The following FOCAD variants were observed in gnomAD, a reference collection of about 807,000 sequenced individuals.
The protein encoded by FOCAD is focadhesin, also known as KIAA1797.
Under a neutral mutation model 225.6 loss-of-function variants are expected in FOCAD, and 198 were observed. That is an observed-to-expected ratio of 0.88 (90% CI 0.78 to 0.99). The LOEUF is 0.99. Among genes scored for constraint, FOCAD ranks in the 50% least tolerant of loss-of-function variants. The probability of loss-of-function intolerance (pLI) is 0.00; values close to 1 mark genes in which losing one functional copy is unlikely to be tolerated. For missense variants in FOCAD, 2,713 were observed against 2,123.6 expected, an observed-to-expected ratio of 1.28 and a Z score of -5.46; for synonymous variants, 897 against 755.0, an observed-to-expected ratio of 1.19 and a Z score of -3.08.
intron 19 of FOCAD, among the ~76,000 whole-genome samples, chr9:20,878,277 T>C (rs1830393406): frequency 6.6e-6 from 1 of 152,202 alleles, no homozygotes; most frequent in Admixed American, 6.5e-5. Flanking sequence ...ATTAAATAAT[T>C]TGGCAGGGGA....
At chr9:20,951,577 T>G (rs1837691952) in intron 34 of FOCAD, among the ~76,000 whole-genome samples, 1 of 152,212 alleles carries the variant, frequency 6.6e-6, no homozygotes, top group Non-Finnish European at 1.5e-5. Flanking sequence ...CATATATGGC[T>G]GGAGTTTTTC....
At chr9:20,780,263 T>G (rs529258998) in intron 9 of FOCAD, among the ~76,000 whole-genome samples, 1 of 152,232 alleles carries the variant, frequency 6.6e-6, no homozygotes, top group Non-Finnish European at 1.5e-5. Flanking sequence ...CTCTGTAGAT[T>G]TGCCTTTTCT....
At chr9:20,892,660 TGAA>T (rs1359302292) in intron 21 of FOCAD, among the ~76,000 whole-genome samples, 51 of 152,208 alleles carry the variant, frequency 3.4e-4, no homozygotes, top group African/African-American at 1.1e-3. Context: ...CTACTCCTGG[TGAA>T]GATGCTGTGA....
At chr9:20,933,551 G>A (rs1835681739) in intron 28 of FOCAD, among the ~76,000 whole-genome samples, 1 of 151,930 alleles carries the variant, frequency 6.6e-6, no homozygotes, top group African/African-American at 2.4e-5. Context: ...TGGCTGAGTA[G>A]TATTCCATCG....
Position 20,804,136 on chromosome 9 carries a change from G to A in FOCAD, c.1455+14528G>A, listed in dbSNP as rs563002686. ...GGTTTCCACTTTAAATTTTTTTTGT[G>A]TGTTCCTGAGGTTTACAAGTAGAAG... is the stretch of plus-strand genomic sequence containing the variant. On this transcript the variant is annotated intron_variant, in intron 11 of 43. Coordinates refer to ENST00000338382, the MANE Select transcript of FOCAD (RefSeq NM_001375567.1). Among the ~76,000 whole-genome samples the A allele has an allele frequency of 2.2e-4, 34 of 152,110 alleles. 1 individual carries two copies.
intron 35 of FOCAD, among the ~76,000 whole-genome samples, chr9:20,967,008 C>T (rs1340311168): frequency 3.3e-5 from 5 of 151,674 alleles, no homozygotes; most frequent in Non-Finnish European, 7.4e-5. Flanking sequence ...GTATTTGGGG[C>T]CCCTTGCAAT....
chr9:20,660,349 A>G (rs1402099807), intron 2 of FOCAD, among the ~76,000 whole-genome samples: 1 of 152,224 alleles, frequency 6.6e-6, no homozygotes, highest in East Asian at 1.9e-4. Flanking sequence ...AAATTGAGGC[A>G]GAGAAAAAAT....
intron 10 of FOCAD, among the ~76,000 whole-genome samples, chr9:20,782,837 T>C (rs1442973338): frequency 6.6e-6 from 1 of 152,210 alleles, no homozygotes; most frequent in Non-Finnish European, 1.5e-5. Context: ...TAGTTCTTGT[T>C]TGAGCATGTA....
At chr9:20,926,643 C>T (rs1327071573) in intron 26 of FOCAD, among the ~76,000 whole-genome samples, 1 of 151,876 alleles carries the variant, frequency 6.6e-6, no homozygotes, top group African/African-American at 2.4e-5. Context: ...ATTAGCCGGG[C>T]GTGGTGGCAC....
Position 20,773,856 on chromosome 9 carries a change from G to A in FOCAD, c.906+3618G>A, listed in dbSNP as rs550747494. On this transcript the variant is annotated intron_variant, in intron 8 of 43. Coordinates refer to ENST00000338382, the MANE Select transcript of FOCAD (RefSeq NM_001375567.1). ...CTTCTGGATTTTGCTGATTGCAACC[G>A]TATGGTGCCCTTTAATACAGTGGTC... Among the ~76,000 whole-genome samples, 8 of 152,206 alleles carry A rather than the reference G, an allele frequency of 5.3e-5. No individual in the cohort carries two copies. The East Asian group carries it at 1.2e-3, about 22-fold the overall frequency.
chr9:20,834,375 C>T (rs1226741536), intron 15 of FOCAD, among the ~76,000 whole-genome samples: 2 of 151,984 alleles, frequency 1.3e-5, no homozygotes, highest in African/African-American at 4.8e-5. Flanking sequence ...ATGGGTTGAT[C>T]TGTGGAGCAA....
chr9:20,658,896 T>G (rs1033506190), intron 2 of FOCAD: 3 of 152,326 alleles, frequency 2.0e-5, no homozygotes, highest in African/African-American at 7.2e-5. Flanking sequence ...CCCTAGTACC[T>G]CAGAATGTGA....
rs796702774 is a variant in FOCAD, at chr9:20,815,123, G to GGTTTTTTTTTTTTTTTTTTTTTTTT, written c.1456-4673_1456-4672insGTTTTTTTTTTTTTTTTTTTTTTTT. 9.4e-4 allele frequency among the ~76,000 whole-genome samples: 80 copies of GGTTTTTTTTTTTTTTTTTTTTTTTT among 85,380 alleles called. 19 individuals are homozygous for GGTTTTTTTTTTTTTTTTTTTTTTTT. Among genetic ancestry groups the GGTTTTTTTTTTTTTTTTTTTTTTTT allele is most frequent in the East Asian group, 2.4e-3 (8 of 3,358 alleles). The allele number at this position is 85,380 out of a possible 152,430, so 56.0% of individuals were successfully genotyped here. Reference sequence around the variant, plus strand: ...TCTGGAAATATCATTACTTCTCTTTGTTTTTTTTTTTTTGTTTTTTTTTTT... The same window carrying GGTTTTTTTTTTTTTTTTTTTTTTTT: ...TCTGGAAATATCATTACTTCTCTTTGGTTTTTTTTTTTTTTTTTTTTTTTTTTTTTTTTTTTTTGTTTTTTTTTTT... On this transcript the variant is annotated intron_variant, in intron 11 of 43. Transcript: ENST00000338382.
chr9:20,731,872 C>T (rs1826743812), intron 4 of FOCAD, among the ~76,000 whole-genome samples: 1 of 152,164 alleles, frequency 6.6e-6, no homozygotes. Flanking sequence ...CCGCCTCAGC[C>T]TCCCAAAGTC....
In FOCAD at chr9:20,857,641, G is replaced by A. The variant is rs1055518405; in HGVS notation, c.1921-4937G>A. 3.9e-5 allele frequency among the ~76,000 whole-genome samples: 6 copies of A among 151,932 alleles called. No homozygotes were observed. In the Middle Eastern group the frequency reaches 0.01, roughly 258 times the overall value. ...TGTATTATGTTGAATAATGGTGAAT[G>A]TGGGTATTCTTGTCTTGTTCCATAT... On this transcript the variant is annotated intron_variant, in intron 15 of 43. Coordinates refer to ENST00000338382, the MANE Select transcript of FOCAD (RefSeq NM_001375567.1).
At chr9:20,939,763 T>A (rs989440400) in intron 28 of FOCAD, among the ~76,000 whole-genome samples, 8 of 151,808 alleles carry the variant, frequency 5.3e-5, no homozygotes, top group South Asian at 4.1e-4. Context: ...TTCTTTTTTT[T>A]AAATTATACT....
At chr9:20,778,947 T>G (rs1003797678) in intron 9 of FOCAD, among the ~76,000 whole-genome samples, 179 bp downstream of exon 9, 1 of 152,242 alleles carries the variant, frequency 6.6e-6, no homozygotes, top group African/African-American at 2.4e-5. Context: ...CAAGTTTTAA[T>G]ATAACATAAT....
intron 2 of FOCAD, among the ~76,000 whole-genome samples, chr9:20,668,508 G>C (rs1021422359): frequency 6.6e-6 from 1 of 152,102 alleles, no homozygotes; most frequent in Non-Finnish European, 1.5e-5. Flanking sequence ...TTTATGTTCT[G>C]ATATCAGGCA....
At chr9:20,953,771 T>C (rs778470170) in intron 35 of FOCAD, among the ~76,000 whole-genome samples, 10 of 152,230 alleles carry the variant, frequency 6.6e-5, no homozygotes, top group South Asian at 2.1e-4. Flanking sequence ...TATTCTTTCA[T>C]TGATGGGTTT....
Sources: gnomAD v4.1 joint callset for allele counts (sites outside exome capture counted in the v4.1 genomes callset) on GRCh38, gnomAD v4.1.1 for gene constraint, MANE v1.5 for transcripts, NCBI Gene and HGNC (gene_info 2026-07-23, HGNC 2026-07-21) for gene names.